ROBO2: variants seen among roughly 807,000 people sequenced by gnomAD.
ROBO2 encodes roundabout guidance receptor 2.
In ROBO2, 53 loss-of-function variants were observed where a neutral mutation model predicts 160.8. The ratio of observed to expected loss-of-function variants is 0.33; its 90% CI spans 0.26 to 0.41. The LOEUF (loss-of-function observed/expected upper bound fraction) is 0.41, where lower values mean the gene tolerates loss of function less well. ROBO2 is among the 10% of genes least tolerant of loss of function. The pLI, the probability that ROBO2 is intolerant of heterozygous loss-of-function variation, is 1.00. For missense variants in ROBO2, 1,577 were observed against 1,722.4 expected (o/e 0.92, Z 1.49); for synonymous variants, 664 against 611.7 (o/e 1.09, Z -1.26).
At chr3:77,611,126 GTCTC>G (rs1208611625) in intron 21 of ROBO2, among the ~76,000 whole-genome samples, 2 of 151,780 alleles carry the variant, frequency 1.3e-5, no homozygotes, top group Non-Finnish European at 2.9e-5. Context: ...GTGAAACCCC[GTCTC>G]TACTAAAAAT....
At chr3:76,280,694 C>A (rs1470848629) in intron 2 of ROBO2, among the ~76,000 whole-genome samples, 1 of 151,848 alleles carries the variant, frequency 6.6e-6, no homozygotes, top group Admixed American at 6.6e-5. Flanking sequence ...AGAAATTTTT[C>A]TTTCATTTTC....
At chr3:75,919,951 C>T (rs186495229) in intron 1 of ROBO2, among the ~76,000 whole-genome samples, 15 of 151,922 alleles carry the variant, frequency 9.9e-5, no homozygotes, top group Admixed American at 1.3e-4. Context: ...GTCTGGCTAC[C>T]GGTCTATCTA....
intron 2 of ROBO2, among the ~76,000 whole-genome samples, chr3:77,332,410 G>C (rs1016310232): frequency 6.6e-6 from 1 of 152,244 alleles, no homozygotes; most frequent in South Asian, 2.1e-4. Flanking sequence ...TTTTACAGAG[G>C]TAGTATTATG....
intron 2 of ROBO2, among the ~76,000 whole-genome samples, chr3:76,703,034 C>T (rs552293695): frequency 3.9e-4 from 60 of 152,260 alleles, no homozygotes; most frequent in African/African-American, 1.4e-3. Context: ...AGAAGTTCTC[C>T]TCAACCATAT....
chr3:76,622,400 G>A (rs1301956553), intron 2 of ROBO2, among the ~76,000 whole-genome samples: 1 of 152,082 alleles, frequency 6.6e-6, no homozygotes. Flanking sequence ...AGGAGTTCAA[G>A]GATAGCATGA....
rs561712370 is a variant in ROBO2, at chr3:77,058,310, T to C, written c.61+17464T>C. Among the ~76,000 whole-genome samples, 15 of 152,226 alleles carry C rather than the reference T, an allele frequency of 9.9e-5. No individual in the cohort carries two copies. In the East Asian group the frequency reaches 1.5e-3, roughly 16 times the overall value. On this transcript the variant is annotated intron_variant, in intron 1 of 25. Transcript: ENST00000461745. ...CACTAATGTTTAGTTACCTGGAAAG[T>C]TCCAGCTAAATATAAGTAATATTCA...
chr3:75,978,002 A>T (rs2107420975), intron 2 of ROBO2, among the ~76,000 whole-genome samples: 1 of 151,752 alleles, frequency 6.6e-6, no homozygotes, highest in South Asian at 2.1e-4. Context: ...AGCAAGAAGT[A>T]ATACAATGTT....
intron 2 of ROBO2, among the ~76,000 whole-genome samples, chr3:77,160,430 A>T (rs937936399): frequency 6.6e-6 from 1 of 152,196 alleles, no homozygotes. Context: ...AATTCCATTC[A>T]CATGATTTTG....
At chr3:75,983,159 C>A (rs560962508) in intron 2 of ROBO2, among the ~76,000 whole-genome samples, 25 of 151,612 alleles carry the variant, frequency 1.6e-4, no homozygotes, top group African/African-American at 5.5e-4. Flanking sequence ...TTTGACTCAG[C>A]TCTTTTTCCT....
In ROBO2 at chr3:76,873,236, G is replaced by GAA. The variant is rs552961404; in HGVS notation, c.110-224773_110-224772dup. Among the ~76,000 whole-genome samples the GAA allele has an allele frequency of 1.1e-4, 17 of 152,022 alleles. No individual in the cohort carries two copies. In the South Asian group the frequency reaches 3.3e-3, roughly 30 times the overall value. On this transcript the variant is annotated intron_variant, in intron 2 of 26. Coordinates refer to the ROBO2 transcript ENST00000487694. ...CAAAGTTCATGTGCTCTAGGGCAAG[G>GAA]AAAAAAGCTTCATAAATATTTTAAT... is the stretch of plus-strand genomic sequence containing the variant.
At chr3:77,630,295 C>A (rs1196187563) in intron 23 of ROBO2, 1 of 152,246 alleles carries the variant, frequency 6.6e-6, no homozygotes, top group East Asian at 1.9e-4. Context: ...AGAGGTTTAA[C>A]TGACTCACAG....
chr3:76,062,618 C>G (rs188893066), intron 2 of ROBO2, among the ~76,000 whole-genome samples: 6 of 152,178 alleles, frequency 3.9e-5, no homozygotes, highest in African/African-American at 1.4e-4. Flanking sequence ...GTTCTAGATG[C>G]AAGGGAAATT....
At chr3:77,359,293 A>G (rs1329867683) in intron 2 of ROBO2, among the ~76,000 whole-genome samples, 1 of 152,204 alleles carries the variant, frequency 6.6e-6, no homozygotes, top group Non-Finnish European at 1.5e-5. Flanking sequence ...GTGGGCTTAG[A>G]GGGCTGGGAA....
At chr3:76,259,163 C>T (rs1222182870) in intron 2 of ROBO2, among the ~76,000 whole-genome samples, 6 of 151,710 alleles carry the variant, frequency 4.0e-5, no homozygotes, top group Non-Finnish European at 5.9e-5. Flanking sequence ...TTTTGTTTTG[C>T]TTTTTGTTTT....
rs572555170 is a variant in ROBO2 at position 76,558,911 on chromosome 3, T to C, written c.110-539103T>C. 5.3e-5 allele frequency among the ~76,000 whole-genome samples: 8 copies of C among 152,278 alleles called. No individual in the cohort carries two copies. The South Asian group carries it at 8.3e-4, about 16-fold the overall frequency. On this transcript the variant is annotated intron_variant, in intron 2 of 26. Coordinates refer to the ROBO2 transcript ENST00000487694. ...GAGATGGGCTCACTTCAATAAACATTTATTTTGGTATTCAGCATCTTTGGT... is the reference window on the plus strand; with the variant it reads ...GAGATGGGCTCACTTCAATAAACATCTATTTTGGTATTCAGCATCTTTGGT...
At chr3:77,047,541 T>G (rs2064802087) in intron 1 of ROBO2, among the ~76,000 whole-genome samples, 1 of 150,550 alleles carries the variant, frequency 6.6e-6, no homozygotes, top group Non-Finnish European at 1.5e-5. Context: ...ATACAAAAAT[T>G]GGCTGAGCAT....
chr3:76,632,326 C>T (rs2090078590), intron 2 of ROBO2, among the ~76,000 whole-genome samples: 1 of 152,184 alleles, frequency 6.6e-6, no homozygotes, highest in Non-Finnish European at 1.5e-5. Flanking sequence ...TCCTTTGTCA[C>T]AGCTGAGCTG....
Position 76,533,617 on chromosome 3 carries a change from T to C in ROBO2, c.110-564397T>C, listed in dbSNP as rs375636469. Among the ~76,000 whole-genome samples the C allele has an allele frequency of 2.6e-5, 4 of 152,318 alleles. No individual in the cohort carries two copies. The East Asian group carries it at 5.8e-4, about 22-fold the overall frequency. On this transcript the variant is annotated intron_variant, in intron 2 of 26. Transcript: ENST00000487694. ...TAGAAGACCACCTGCACAGGCTTTG[T>C]GTGAGCAACAAGGCTGCTTATTCAC...
intron 2 of ROBO2, among the ~76,000 whole-genome samples, chr3:76,264,766 G>C (rs1553691301): frequency 1.3e-5 from 2 of 152,090 alleles, no homozygotes; most frequent in Non-Finnish European, 2.9e-5. Context: ...TCTTGTCCCT[G>C]TGTAGTAGTA....
Sources: allele counts gnomAD v4.1 joint callset (sites outside exome capture counted in the v4.1 genomes callset), GRCh38; gene constraint gnomAD v4.1.1; transcripts MANE v1.5; gene names NCBI Gene and HGNC (gene_info 2026-07-23, HGNC 2026-07-21).